KAZN: variants seen among roughly 807,000 people sequenced by gnomAD.
KAZN encodes kazrin.
A neutral mutation model predicts 87.4 loss-of-function variants in KAZN; 40 were observed. The ratio of observed to expected loss-of-function variants is 0.46; its 90% CI spans 0.36 to 0.60. KAZN has a LOEUF of 0.60. Among genes scored for constraint, KAZN ranks in the 20% least tolerant of loss-of-function variants. The probability of loss-of-function intolerance (pLI) is 0.00; values close to 1 mark genes in which losing one functional copy is unlikely to be tolerated. For synonymous variants in KAZN, 466 were observed against 458.3 expected, an observed-to-expected ratio of 1.02 and a Z score of -0.22; for missense variants, 898 against 1,073.9, an observed-to-expected ratio of 0.84 and a Z score of 2.29.
Position 14,444,265 on chromosome 1 carries a change from G to A in KAZN, c.250-154718G>A, listed in dbSNP as rs370403624. Among the ~76,000 whole-genome samples, 17 of 149,292 alleles carry A rather than the reference G, an allele frequency of 1.1e-4. No homozygotes were observed. In the South Asian group the frequency reaches 1.7e-3, roughly 15 times the overall value. On this transcript the variant is annotated intron_variant, in intron 2 of 16. Transcript: ENST00000636203. ...CCTGATGGTTTCTTTGGTGTCACCC[G>A]CCCTCCAACTCGCTCATCTCCAAAA... is the stretch of plus-strand genomic sequence containing the variant.
chr1:14,162,699 C>T (rs1231548646), intron 1 of KAZN, among the ~76,000 whole-genome samples: 2 of 152,090 alleles, frequency 1.3e-5, no homozygotes, highest in East Asian at 1.9e-4. Context: ...CATCCACCAC[C>T]ATGGCTGGCT....
intron 1 of KAZN, among the ~76,000 whole-genome samples, chr1:14,947,977 A>G (rs1260821310): frequency 6.6e-6 from 1 of 152,256 alleles, no homozygotes; most frequent in Non-Finnish European, 1.5e-5. Context: ...AGGACTGGTC[A>G]CTGGGAACAA....
At chr1:14,382,907 A>G (rs1661502029) in intron 2 of KAZN, among the ~76,000 whole-genome samples, 1 of 151,886 alleles carries the variant, frequency 6.6e-6, no homozygotes, top group African/African-American at 2.4e-5. Flanking sequence ...GACTTCCACA[A>G]TGGTTGAACT....
intron 1 of KAZN, among the ~76,000 whole-genome samples, chr1:14,071,575 T>C (rs1309943499): frequency 2.6e-5 from 4 of 152,226 alleles, no homozygotes; most frequent in Non-Finnish European, 5.9e-5. Context: ...CTCAGCATCC[T>C]GTCAGCATTG....
intron 3 of KAZN, among the ~76,000 whole-genome samples, chr1:15,037,038 C>CCCATCACCCCCTGGCA (rs1672411374): frequency 1.3e-5 from 2 of 152,114 alleles, no homozygotes; most frequent in Non-Finnish European, 2.9e-5. Context: ...TTCCCCCAAC[C>CCCATCACCCCCTGGCA]CCATCACCCC....
intron 4 of KAZN, among the ~76,000 whole-genome samples, chr1:15,044,604 C>G (rs1022524075): frequency 3.3e-5 from 5 of 151,854 alleles, no homozygotes; most frequent in African/African-American, 1.2e-4. Flanking sequence ...ATTAGCCAGG[C>G]CTGGTACATG....
At chr1:14,747,455 T>C (rs1425252138) in intron 1 of KAZN, among the ~76,000 whole-genome samples, 1 of 152,168 alleles carries the variant, frequency 6.6e-6, no homozygotes, top group African/African-American at 2.4e-5. Context: ...TTTTCTATTT[T>C]CAATAGAGAC....
intron 2 of KAZN, among the ~76,000 whole-genome samples, chr1:14,283,982 T>C (rs1044166702): frequency 3.3e-5 from 5 of 152,170 alleles, no homozygotes; most frequent in Non-Finnish European, 7.3e-5. Flanking sequence ...AACATTATGC[T>C]AAGTGAAATA....
At chr1:14,726,487 C>T (rs1470065064) in intron 1 of KAZN, among the ~76,000 whole-genome samples, 1 of 152,190 alleles carries the variant, frequency 6.6e-6, no homozygotes, top group Non-Finnish European at 1.5e-5. Context: ...ATCCATGCTT[C>T]CCTCAGTCTT....
At chr1:14,721,580 T>TGGTTGTG (rs1643110138) in intron 1 of KAZN, among the ~76,000 whole-genome samples, 1 of 152,208 alleles carries the variant, frequency 6.6e-6, no homozygotes, top group South Asian at 2.1e-4. Context: ...GTGTTGAGTA[T>TGGTTGTG]TTACCTCAAG....
At chr1:14,774,167 A>G (rs943889003) in intron 1 of KAZN, among the ~76,000 whole-genome samples, 6 of 152,168 alleles carry the variant, frequency 3.9e-5, no homozygotes, top group Admixed American at 1.3e-4. Context: ...TGTGTCCCCA[A>G]GAGGCAGTCT....
intron 1 of KAZN, among the ~76,000 whole-genome samples, chr1:14,660,685 A>T (rs975207044): frequency 6.6e-6 from 1 of 151,124 alleles, no homozygotes; most frequent in Non-Finnish European, 1.5e-5. Flanking sequence ...GTGGTTTGGT[A>T]CCTAACTGCA....
At chr1:14,076,450 A>G (rs1001168740) in intron 1 of KAZN, among the ~76,000 whole-genome samples, 1 of 152,158 alleles carries the variant, frequency 6.6e-6, no homozygotes, top group Non-Finnish European at 1.5e-5. Context: ...TCTCCATCAC[A>G]TCTCAGAAAG....
chr1:15,093,281 G>C (rs59195978), intron 8 of KAZN, among the ~76,000 whole-genome samples: 1 of 152,020 alleles, frequency 6.6e-6, no homozygotes, highest in Non-Finnish European at 1.5e-5. Flanking sequence ...TGTAAGTGTG[G>C]CTTTTCTGTA....
At chr1:14,087,844 C>A (rs2101609607) in intron 1 of KAZN, among the ~76,000 whole-genome samples, 1 of 152,032 alleles carries the variant, frequency 6.6e-6, no homozygotes, top group South Asian at 2.1e-4. Flanking sequence ...TGCTGAATTT[C>A]ATTTGCTAAC....
chr1:14,658,527 C>T (rs1021766095), intron 1 of KAZN, among the ~76,000 whole-genome samples: 9 of 152,128 alleles, frequency 5.9e-5, no homozygotes, highest in Non-Finnish European at 1.2e-4. Context: ...CGAAAAATGT[C>T]AGCTGGCCTC....
intron 1 of KAZN, among the ~76,000 whole-genome samples, chr1:14,899,618 A>G (rs1005602596): frequency 6.6e-6 from 1 of 152,190 alleles, no homozygotes; most frequent in African/African-American, 2.4e-5. Flanking sequence ...AGAAAAGTGC[A>G]GTATTCTAGC....
At chr1:14,448,652 G>C (rs576435298) in intron 2 of KAZN, among the ~76,000 whole-genome samples, 14 of 152,304 alleles carry the variant, frequency 9.2e-5, no homozygotes, top group Middle Eastern at 3.4e-3. Flanking sequence ...CAGCCCCAGA[G>C]AGGAAGTAAT....
chr1:14,307,514 C>T (rs774933537), intron 2 of KAZN, among the ~76,000 whole-genome samples: 21 of 152,156 alleles, frequency 1.4e-4, no homozygotes, highest in Non-Finnish European at 2.1e-4. Context: ...CCTTTACAGA[C>T]GTGGAAACTG....
Sources: allele counts gnomAD v4.1 joint callset (sites outside exome capture counted in the v4.1 genomes callset), GRCh38; gene constraint gnomAD v4.1.1; transcripts MANE v1.5; gene names NCBI Gene and HGNC (gene_info 2026-07-23, HGNC 2026-07-21).